GPHN: variants seen among roughly 807,000 people sequenced by gnomAD.
GPHN encodes the protein gephyrin.
Under a neutral mutation model 95.5 loss-of-function variants are expected in GPHN, and 17 were observed. The observed-to-expected ratio is 0.18, with a 90% CI of 0.12 to 0.27. The LOEUF (loss-of-function observed/expected upper bound fraction) is 0.27. Ranked by LOEUF, GPHN falls within the 10% of genes least tolerant of loss-of-function variation. The pLI is 1.00. For missense variants in GPHN, 660 were observed against 978.1 expected (o/e 0.67, Z 4.34); for synonymous variants, 320 against 322.5 (o/e 0.99, Z 0.08).
chr14:67,344,403 A>C, the GPHN span, among the ~76,000 whole-genome samples: 2 of 152,184 alleles, frequency 1.3e-5, no homozygotes, highest in Non-Finnish European at 2.9e-5. Flanking sequence ...ACACTATTAT[A>C]ATTTGTTTAC....
chr14:67,246,767 T>G, the GPHN span, among the ~76,000 whole-genome samples: 1 of 147,842 alleles, frequency 6.8e-6, no homozygotes, highest in African/African-American at 2.5e-5. Flanking sequence ...TTCTCCTGCC[T>G]CAGCCTCCCA....
intron 2 of GPHN, among the ~76,000 whole-genome samples, chr14:66,713,678 T>C (rs910286600): frequency 1.3e-5 from 2 of 151,938 alleles, no homozygotes; most frequent in African/African-American, 2.4e-5. Context: ...AGAATGATGG[T>C]GGTATTTTGA....
chr14:67,284,429 T>TTAAAAAAAA, the GPHN span, among the ~76,000 whole-genome samples: 5 of 92,678 alleles, frequency 5.4e-5, no homozygotes, highest in African/African-American at 2.5e-4. Context: ...CCCTATCTCT[T>TTAAAAAAAA]AAAAAAAAAA....
the GPHN span, chr14:67,659,687 G>T: frequency 6.5e-7 from 1 of 1,539,800 alleles, no homozygotes; most frequent in Non-Finnish European, 8.8e-7. Context: ...TGTACCACAG[G>T]CCCTTAAAGG....
chr14:66,532,533 A>T (rs1224773954), intron 1 of GPHN, among the ~76,000 whole-genome samples: 1 of 152,204 alleles, frequency 6.6e-6, no homozygotes, highest in Non-Finnish European at 1.5e-5. Flanking sequence ...GAGACTACCC[A>T]AGGGTGTAAA....
At chr14:66,787,126 A>G (rs1324928456) in intron 3 of GPHN, among the ~76,000 whole-genome samples, 1 of 152,150 alleles carries the variant, frequency 6.6e-6, no homozygotes, top group Non-Finnish European at 1.5e-5. Context: ...AAATGACTAT[A>G]AGAATAAGTC....
At chr14:67,194,554 A>G in the GPHN span, among the ~76,000 whole-genome samples, 1 of 152,016 alleles carries the variant, frequency 6.6e-6, no homozygotes, top group Non-Finnish European at 1.5e-5. Context: ...CACACAGGCT[A>G]GAGTGCAGTG....
intron 5 of GPHN, among the ~76,000 whole-genome samples, chr14:66,904,561 T>C (rs1424796495): frequency 6.6e-6 from 1 of 152,136 alleles, no homozygotes; most frequent in Middle Eastern, 3.2e-3. Context: ...TTGTAAGACA[T>C]AAAAGTTCTC....
the GPHN span, among the ~76,000 whole-genome samples, chr14:67,427,120 G>T: frequency 6.6e-6 from 1 of 152,100 alleles, no homozygotes; most frequent in Non-Finnish European, 1.5e-5. Flanking sequence ...TGTGTCACGC[G>T]GGGGAGGGAG....
the GPHN span, among the ~76,000 whole-genome samples, chr14:67,399,298 A>C: frequency 5.4e-5 from 8 of 148,952 alleles, no homozygotes; most frequent in Non-Finnish European, 1.0e-4. Context: ...GGCAGGAATA[A>C]AGAGAAGGGT....
intron 17 of GPHN, among the ~76,000 whole-genome samples, chr14:67,141,373 G>A (rs918197248): frequency 6.6e-6 from 1 of 152,152 alleles, no homozygotes; most frequent in Non-Finnish European, 1.5e-5. Flanking sequence ...GTATTTTCCA[G>A]AATAAAAATC....
intron 3 of GPHN, among the ~76,000 whole-genome samples, chr14:66,787,941 T>G (rs1478749067): frequency 6.6e-6 from 1 of 151,470 alleles, no homozygotes; most frequent in Non-Finnish European, 1.5e-5. Context: ...TGAAGAGGCC[T>G]TAGACTCAAC....
At chr14:66,684,760 T>G (rs74577867) in intron 2 of GPHN, among the ~76,000 whole-genome samples, 1 of 149,264 alleles carries the variant, frequency 6.7e-6, no homozygotes, top group Admixed American at 6.6e-5. Context: ...TTTTTTTTTT[T>G]CTTCTTATAC....
intron 8 of GPHN, among the ~76,000 whole-genome samples, chr14:66,942,053 C>G (rs1159244050): frequency 6.6e-6 from 1 of 152,086 alleles, no homozygotes; most frequent in African/African-American, 2.4e-5. Context: ...CTCTTCTCAC[C>G]CAAGCTGGAG....
chr14:67,674,308 T>G, the GPHN span: 1 of 1,397,986 alleles, frequency 7.2e-7, no homozygotes, highest in Non-Finnish European at 9.6e-7. Flanking sequence ...GGGAGGAAGG[T>G]GGGAGAATCT....
At chr14:67,586,523 T>C in the GPHN span, 1 of 758,802 alleles carries the variant, frequency 1.3e-6, no homozygotes, top group Admixed American at 2.3e-5. Flanking sequence ...AGTCCCACAG[T>C]GCTCCCTCTT....
chr14:66,887,592 G>A (rs1395547592), intron 5 of GPHN, among the ~76,000 whole-genome samples: 1 of 151,902 alleles, frequency 6.6e-6, no homozygotes. Flanking sequence ...AAAAGACCAA[G>A]ACCTAATGAT....
chr14:66,690,171 G>A (rs1326838972), intron 2 of GPHN, among the ~76,000 whole-genome samples: 1 of 151,546 alleles, frequency 6.6e-6, no homozygotes, highest in African/African-American at 2.4e-5. Flanking sequence ...GAGGTTTATT[G>A]CTATAAACTT....
chr14:67,205,054 AAC>A, the GPHN span: 1 of 1,551,682 alleles, frequency 6.4e-7, no homozygotes, highest in African/African-American at 1.4e-5. Flanking sequence ...GGTGTTTGAA[AAC>A]AATGACTTAA....
Sources: gnomAD v4.1 joint callset for allele counts (sites outside exome capture counted in the v4.1 genomes callset) on GRCh38, gnomAD v4.1.1 for gene constraint, MANE v1.5 for transcripts, NCBI Gene and HGNC (gene_info 2026-07-23, HGNC 2026-07-21) for gene names.